Variants in LMNTD1 observed in about 807,000 individuals in gnomAD.
LMNTD1 encodes lamin tail domain-containing protein 1.
Under a neutral mutation model 50.9 loss-of-function variants are expected in LMNTD1, and 35 were observed. The ratio of observed to expected loss-of-function variants is 0.69; its 90% CI spans 0.53 to 0.91. The LOEUF (loss-of-function observed/expected upper bound fraction) is 0.91. Ranked by LOEUF, LMNTD1 falls within the 40% of genes least tolerant of loss-of-function variation. The pLI, the probability that LMNTD1 is intolerant of heterozygous loss-of-function variation, is 0.00. For missense variants in LMNTD1, 470 were observed against 475.5 expected, an observed-to-expected ratio of 0.99 and a Z score of 0.11; for synonymous variants, 153 against 161.9, an observed-to-expected ratio of 0.94 and a Z score of 0.42.
At chr12:25,497,892 C>CA (rs1045653555) in intron 9 of LMNTD1, 17 of 152,122 alleles carry the variant, frequency 1.1e-4, no homozygotes, top group Admixed American at 8.5e-4. Context: ...CAACAAAACT[C>CA]AATGAATTTC....
chr12:25,553,379 C>G, upstream of LMNTD1: 2 of 588,828 alleles, frequency 3.4e-6, no homozygotes, highest in Non-Finnish European at 5.1e-6. Context: ...TATGTTGATG[C>G]TGTACCTTCT....
intron 1 of LMNTD1, among the ~76,000 whole-genome samples, chr12:25,622,168 C>G (rs1479503): frequency 0.48 from 73,208 of 152,100 alleles, 20,109 homozygotes; most frequent in Non-Finnish European, 0.63. Flanking sequence ...GAGGAACAAG[C>G]TTGGGATTGG....
At chr12:25,569,136 G>T (rs1160352033) in intron 1 of LMNTD1, among the ~76,000 whole-genome samples, 1 of 152,204 alleles carries the variant, frequency 6.6e-6, no homozygotes, top group East Asian at 1.9e-4. Context: ...AGCTGCAGGG[G>T]CTGCACCCGG....
At chr12:25,495,882 C>G (rs1939046093) in intron 9 of LMNTD1, among the ~76,000 whole-genome samples, 1 of 152,180 alleles carries the variant, frequency 6.6e-6, no homozygotes, top group Non-Finnish European at 1.5e-5. Context: ...AGGTTATATA[C>G]TTTCTAAGAG....
At chr12:25,616,703 T>A (rs992826677) in intron 1 of LMNTD1, among the ~76,000 whole-genome samples, 7 of 152,198 alleles carry the variant, frequency 4.6e-5, no homozygotes, top group African/African-American at 1.7e-4. Context: ...ATTTCTTAAA[T>A]TGCATATGAA....
chr12:25,509,964 T>G (rs1352376254), intron 8 of LMNTD1, among the ~76,000 whole-genome samples: 3 of 152,230 alleles, frequency 2.0e-5, no homozygotes, highest in Non-Finnish European at 4.4e-5. Context: ...AGAATAAATT[T>G]CTATTGTTTT....
chr12:25,501,243 G>A (rs1939371318), intron 9 of LMNTD1, among the ~76,000 whole-genome samples: 1 of 152,066 alleles, frequency 6.6e-6, no homozygotes, highest in East Asian at 1.9e-4. Context: ...CACCTGCCTA[G>A]GCCTCCCAAA....
chr12:25,563,115 C>G (rs1030924045), intron 1 of LMNTD1, among the ~76,000 whole-genome samples: 1 of 151,710 alleles, frequency 6.6e-6, no homozygotes, highest in African/African-American at 2.4e-5. Context: ...TTTGTTATTA[C>G]CAATCATCTG....
intron 1 of LMNTD1, among the ~76,000 whole-genome samples, chr12:25,604,664 T>C (rs1414434852): frequency 6.6e-6 from 1 of 152,104 alleles, no homozygotes; most frequent in African/African-American, 2.4e-5. Flanking sequence ...CATGTCCCCA[T>C]AAAGGACATG....
intron 4 of LMNTD1, 110 bp from the exon 5 acceptor site, chr12:25,527,065 T>G: frequency 1.4e-6 from 1 of 696,818 alleles, no homozygotes; most frequent in Non-Finnish European, 2.3e-6. Context: ...AACTGTATAT[T>G]CTATTGGGCA....
intron 9 of LMNTD1, among the ~76,000 whole-genome samples, chr12:25,491,193 G>A: frequency 6.6e-6 from 1 of 152,178 alleles, no homozygotes; most frequent in East Asian, 1.9e-4. Flanking sequence ...AATTACCAAA[G>A]GAAACTTAGC....
At chr12:25,628,125 A>G (rs896217170) in intron 1 of LMNTD1, among the ~76,000 whole-genome samples, 1 of 150,074 alleles carries the variant, frequency 6.7e-6, no homozygotes, top group Non-Finnish European at 1.5e-5. Context: ...AAAAAAAAAA[A>G]AAAAAAAAAA....
At chr12:25,582,501 A>G (rs1945334163) in intron 1 of LMNTD1, 1 of 152,222 alleles carries the variant, frequency 6.6e-6, no homozygotes, top group East Asian at 1.9e-4. Flanking sequence ...ATCATGAGAA[A>G]AGTGGAATAT....
chr12:25,598,427 C>T (rs1945887126), intron 1 of LMNTD1, among the ~76,000 whole-genome samples: 1 of 151,854 alleles, frequency 6.6e-6, no homozygotes, highest in South Asian at 2.1e-4. Flanking sequence ...AATAACTAGT[C>T]CAATGATGCA....
chr12:25,536,921 C>A (rs1199110728), intron 4 of LMNTD1, among the ~76,000 whole-genome samples: 2 of 152,382 alleles, frequency 1.3e-5, no homozygotes, highest in Admixed American at 6.5e-5. Flanking sequence ...TCGGGAAGCA[C>A]AAGGGGTCAG....
chr12:25,577,397 T>C (rs1945073912), intron 1 of LMNTD1, among the ~76,000 whole-genome samples: 1 of 152,170 alleles, frequency 6.6e-6, no homozygotes, highest in African/African-American at 2.4e-5. Flanking sequence ...CTTGAAGAGG[T>C]CCTTCACATC....
At chr12:25,498,489 G>GA (rs1404943538) in intron 9 of LMNTD1, among the ~76,000 whole-genome samples, 5 of 152,200 alleles carry the variant, frequency 3.3e-5, no homozygotes, top group African/African-American at 1.2e-4. Context: ...CAACTGTAGA[G>GA]AATCAGACAG....
At chr12:25,583,141 C>T (rs1051873256) in intron 1 of LMNTD1, among the ~76,000 whole-genome samples, 2 of 151,792 alleles carry the variant, frequency 1.3e-5, no homozygotes, top group Non-Finnish European at 2.9e-5. Context: ...CCTACCTCAG[C>T]CTCCCGAGTA....
At position 25,526,131 on chromosome 12, in the gene LMNTD1, A is replaced by G. The variant is rs1286507035; in HGVS notation, c.766T>C (p.Cys256Arg). ...TTCGGTTTGCACAGGATTGTTATAC[A>G]ATCAGGACTTGCTCTAAACTTGTCT... ...EQDKFRASPD[C>R]ITILCKPNGQ... The change falls in exon 6 of 10, where the codon TGT becomes CGT. Residue 256 changes from cysteine to arginine, a missense_variant. Transcript: ENST00000458174. 6.2e-7 allele frequency: 1 copy of G among 1,608,820 alleles called. No individual in the cohort carries two copies. Among genetic ancestry groups the G allele is most frequent in the African/African-American group, 1.3e-5 (1 of 74,512 alleles).
Sources: allele counts gnomAD v4.1 joint callset (sites outside exome capture counted in the v4.1 genomes callset), GRCh38; gene constraint gnomAD v4.1.1; transcripts MANE v1.5; gene names NCBI Gene and HGNC (gene_info 2026-07-23, HGNC 2026-07-21).